HMG20A: variants seen among roughly 807,000 people sequenced by gnomAD.
HMG20A encodes high mobility group 20A.
In HMG20A, 17 loss-of-function variants were observed where a neutral mutation model predicts 43.9. The observed-to-expected ratio is 0.39, with a 90% CI of 0.27 to 0.58. The LOEUF is 0.58. HMG20A is among the 20% of genes least tolerant of loss of function. HMG20A has a pLI of 0.59. For synonymous variants in HMG20A, 132 were observed against 147.5 expected (o/e 0.89, Z 0.76); for missense variants, 341 against 438.2 (o/e 0.78, Z 1.98).
intron 1 of HMG20A, among the ~76,000 whole-genome samples, chr15:77,427,884 A>G (rs2073442647): frequency 6.6e-6 from 1 of 152,222 alleles, no homozygotes; most frequent in African/African-American, 2.4e-5. Context: ...TATGAGAAAA[A>G]TAAGATTTAG....
At chr15:77,478,599 A>C in intron 8 of HMG20A, 89 bp downstream of exon 8, 1 of 983,856 alleles carries the variant, frequency 1.0e-6, no homozygotes, top group Non-Finnish European at 1.5e-6. Flanking sequence ...TGGTGTGGAG[A>C]GATTGAAATC....
chr15:77,428,278 G>A (rs1389021391), intron 1 of HMG20A, among the ~76,000 whole-genome samples: 3 of 152,242 alleles, frequency 2.0e-5, no homozygotes, highest in Non-Finnish European at 4.4e-5. Flanking sequence ...AAAGAAGGAG[G>A]AAGGCAGCTG....
At chr15:77,462,790 T>TTTTTTG in intron 2 of HMG20A, among the ~76,000 whole-genome samples, 1 of 139,670 alleles carries the variant, frequency 7.2e-6, no homozygotes, top group South Asian at 2.2e-4. Context: ...TTTTTTTTTT[T>TTTTTTG]GAGACTGAGT....
intron 1 of HMG20A, among the ~76,000 whole-genome samples, chr15:77,453,452 T>C (rs920887906): frequency 6.6e-6 from 1 of 152,072 alleles, no homozygotes; most frequent in East Asian, 1.9e-4. Flanking sequence ...TATGGAGAAA[T>C]TGGAACCCTA....
chr15:77,467,115 T>C lies in HMG20A; in HGVS notation c.258T>C (p.Gly86=). 1 of 1,613,612 alleles carries C rather than the reference T, an allele frequency of 6.2e-7. No individual in the cohort carries two copies. The highest frequency in any genetic ancestry group is 8.5e-7 in the Non-Finnish European group (1 of 1,179,716). Residue 86 remains glycine, a synonymous_variant, in exon 4 of 10, where the codon GGT becomes GGC. Transcript: ENST00000336216. ...HEDEQRSKRG[G]WSKGRKRKKP... is the part of the protein sequence containing the mutation. ...TGTAGCAACGAAGTAAACGAGGAGG[T>C]TGGTCCAAAGGAAGAAAGAGGAAGA...
the HMG20A span, among the ~76,000 whole-genome samples, chr15:77,511,672 G>A: frequency 6.6e-6 from 1 of 152,162 alleles, no homozygotes; most frequent in Non-Finnish European, 1.5e-5. Flanking sequence ...GATCACCATT[G>A]CTAATCACTA....
chr15:77,482,098 A>C (rs879916799), intron 9 of HMG20A: 3 of 152,196 alleles, frequency 2.0e-5, no homozygotes, highest in Non-Finnish European at 4.4e-5. Flanking sequence ...TACAGAATCC[A>C]AGACTAGAAC....
At chr15:77,428,297 C>T (rs1425671519) in intron 1 of HMG20A, among the ~76,000 whole-genome samples, 1 of 152,214 alleles carries the variant, frequency 6.6e-6, no homozygotes, top group East Asian at 1.9e-4. Context: ...TGTAGAAAAG[C>T]AACGGCCTTT....
At chr15:77,513,418 A>G in the HMG20A span, among the ~76,000 whole-genome samples, 1 of 152,242 alleles carries the variant, frequency 6.6e-6, no homozygotes, top group African/African-American at 2.4e-5. Flanking sequence ...AAGAGTATTT[A>G]TAGCAGCTGT....
intron 3 of HMG20A, chr15:77,464,812 C>CA (rs2072739883): frequency 6.4e-6 from 1 of 155,342 alleles, no homozygotes; most frequent in Admixed American, 6.3e-5. Flanking sequence ...TTCCTTAACT[C>CA]ACACAAAGGC....
chr15:77,433,235 C>G (rs2073507552), intron 1 of HMG20A, among the ~76,000 whole-genome samples: 1 of 150,486 alleles, frequency 6.6e-6, no homozygotes. Context: ...ATAGTCCTAG[C>G]TACTCGGGAG....
the HMG20A span, among the ~76,000 whole-genome samples, chr15:77,517,987 A>G: frequency 6.8e-6 from 1 of 146,574 alleles, no homozygotes. Flanking sequence ...TACTTAATAT[A>G]ATGCCTGTCA....
rs544601586 is a variant in HMG20A at position 77,452,450 on chromosome 15, G to A, written c.-4-5954G>A. Reference sequence around the variant, plus strand: ...ATTCTTGATTGATCCAAGAACACATGCTGAAAGAAGACACATCTAAGATGA... The same window carrying A: ...ATTCTTGATTGATCCAAGAACACATACTGAAAGAAGACACATCTAAGATGA... On this transcript the variant is annotated intron_variant, in intron 1 of 9. Coordinates refer to ENST00000336216, the MANE Select transcript of HMG20A (RefSeq NM_001304504.2). 5.3e-5 allele frequency among the ~76,000 whole-genome samples: 8 copies of A among 152,298 alleles called. No individual in the cohort carries two copies. The South Asian group carries it at 1.5e-3, about 28-fold the overall frequency.
chr15:77,517,729 A>T, the HMG20A span, among the ~76,000 whole-genome samples: 2 of 151,972 alleles, frequency 1.3e-5, no homozygotes, highest in African/African-American at 4.8e-5. Flanking sequence ...CCCAGGCCTC[A>T]GAGCTGCATG....
intron 1 of HMG20A, among the ~76,000 whole-genome samples, chr15:77,441,635 A>C (rs2073613806): frequency 6.6e-6 from 1 of 152,124 alleles, no homozygotes; most frequent in South Asian, 2.1e-4. Flanking sequence ...CTACTGCCTC[A>C]GGTTGTCTCC....
At chr15:77,421,467 T>A (rs1280994155) in intron 1 of HMG20A, among the ~76,000 whole-genome samples, 1 of 152,242 alleles carries the variant, frequency 6.6e-6, no homozygotes, top group Non-Finnish European at 1.5e-5. Context: ...GTTAAAAATC[T>A]CTATGCACCT....
the HMG20A span, among the ~76,000 whole-genome samples, chr15:77,506,073 CAAA>C: frequency 0.043 from 2,975 of 69,720 alleles, 70 homozygotes; most frequent in African/African-American, 0.11. Flanking sequence ...GTAGAGTTAG[CAAA>C]AAAAAAAAAA....
intron 3 of HMG20A, among the ~76,000 whole-genome samples, chr15:77,466,333 A>G (rs1034173239): frequency 3.3e-5 from 5 of 152,238 alleles, no homozygotes; most frequent in Non-Finnish European, 4.4e-5. Context: ...GTGAGCCGAG[A>G]TAGCGCCATT....
the HMG20A span, among the ~76,000 whole-genome samples, chr15:77,515,351 G>T: frequency 1.3e-5 from 2 of 152,174 alleles, no homozygotes; most frequent in Non-Finnish European, 2.9e-5. Context: ...GAGGGTGGAA[G>T]TCTGGATTTC....
Sources: gnomAD v4.1 joint callset for allele counts (sites outside exome capture counted in the v4.1 genomes callset) on GRCh38, gnomAD v4.1.1 for gene constraint, MANE v1.5 for transcripts, NCBI Gene and HGNC (gene_info 2026-07-23, HGNC 2026-07-21) for gene names.